The following NRF1 variants were observed in gnomAD, a reference collection of about 807,000 sequenced individuals.
NRF1 encodes the protein alpha palindromic-binding protein.
NRF1 carries 5 observed loss-of-function variants against 58.5 expected under a neutral mutation model. That is an observed-to-expected ratio of 0.09 (90% CI 0.04 to 0.18). The LOEUF is 0.18. Ranked by LOEUF, NRF1 falls within the 10% of genes least tolerant of loss-of-function variation. The pLI, the probability that NRF1 is intolerant of heterozygous loss-of-function variation, is 1.00. For synonymous variants in NRF1, 224 were observed against 246.7 expected (o/e 0.91, Z 0.86); for missense variants, 288 against 657.7 (o/e 0.44, Z 6.15).
chr7:129,614,442 T>TG (rs1297699559), intron 1 of NRF1, among the ~76,000 whole-genome samples: 24 of 84,074 alleles, frequency 2.9e-4, no homozygotes, highest in South Asian at 4.9e-4. Flanking sequence ...AAAATATGTA[T>TG]TTGTGTGTGT....
intron 4 of NRF1, among the ~76,000 whole-genome samples, chr7:129,680,256 A>T (rs1448012090): frequency 6.6e-6 from 1 of 152,180 alleles, no homozygotes; most frequent in Non-Finnish European, 1.5e-5. Flanking sequence ...ATTAATAATC[A>T]TAGTCATTAG....
intron 1 of NRF1, among the ~76,000 whole-genome samples, chr7:129,656,199 T>G (rs1801650596): frequency 6.6e-6 from 1 of 152,198 alleles, no homozygotes; most frequent in African/African-American, 2.4e-5. Context: ...TAGTTTATAA[T>G]AGCAAAAACT....
intron 5 of NRF1, among the ~76,000 whole-genome samples, chr7:129,704,589 A>G (rs1802907704): frequency 6.6e-6 from 1 of 152,174 alleles, no homozygotes; most frequent in Middle Eastern, 3.2e-3. Flanking sequence ...GTTGGATTTC[A>G]TATATTTTTG....
intron 4 of NRF1, among the ~76,000 whole-genome samples, chr7:129,678,910 T>C (rs977076366): frequency 6.6e-6 from 1 of 152,134 alleles, no homozygotes; most frequent in East Asian, 1.9e-4. Flanking sequence ...CAAGAAGATA[T>C]AGACTCTGTT....
chr7:129,703,251 C>CCT (rs770082514), intron 5 of NRF1, among the ~76,000 whole-genome samples: 3 of 152,086 alleles, frequency 2.0e-5, no homozygotes, highest in Non-Finnish European at 4.4e-5. Flanking sequence ...CACCTAGAGC[C>CCT]CTAAATCAGA....
rs1562954847 is a variant in NRF1, at chr7:129,634,036, A to AT, written c.-7+22212_-7+22213insT. Among the ~76,000 whole-genome samples the AT allele has an allele frequency of 2.3e-3, 170 of 73,088 alleles. 1 individual carries two copies. Among genetic ancestry groups the AT allele is most frequent in the African/African-American group, 0.013 (164 of 12,770 alleles). The allele number at this position is 73,088 out of a possible 152,430, so 47.9% of individuals were successfully genotyped here. A position where few individuals can be genotyped will look rare whatever the true frequency, so the allele number is the denominator to read the frequency against. On this transcript the variant is annotated intron_variant, in intron 1 of 10. Transcript: ENST00000393232. Reference sequence around the variant, plus strand: ...TTTTTTTACATCTGTATTTAAAAAAAAAAAAAGATATATATATATATATAT... The same window carrying AT: ...TTTTTTTACATCTGTATTTAAAAAAATAAAAAAGATATATATATATATATAT...
intron 10 of NRF1, among the ~76,000 whole-genome samples, chr7:129,737,107 CAT>C (rs1376546608): frequency 6.6e-6 from 1 of 152,218 alleles, no homozygotes; most frequent in African/African-American, 2.4e-5. Flanking sequence ...TCATTCCTCA[CAT>C]ATGTTGGAGT....
intron 2 of NRF1, among the ~76,000 whole-genome samples, chr7:129,669,932 A>C (rs1230934900): frequency 6.6e-6 from 1 of 152,246 alleles, no homozygotes; most frequent in Non-Finnish European, 1.5e-5. Flanking sequence ...CAAGATGTGA[A>C]AATAGCCTAA....
At chr7:129,616,578 G>A (rs1195650224) in intron 1 of NRF1, among the ~76,000 whole-genome samples, 2 of 152,152 alleles carry the variant, frequency 1.3e-5, no homozygotes, top group African/African-American at 2.4e-5. Context: ...CTGCCTGGGC[G>A]ACAGTGCGAC....
intron 5 of NRF1, among the ~76,000 whole-genome samples, chr7:129,694,768 A>T (rs1451721154): frequency 6.6e-6 from 1 of 152,174 alleles, no homozygotes; most frequent in African/African-American, 2.4e-5. Context: ...AGGGTATGGG[A>T]CTGCAAGCAG....
At chr7:129,696,354 T>C (rs1013289471) in intron 5 of NRF1, among the ~76,000 whole-genome samples, 7 of 152,316 alleles carry the variant, frequency 4.6e-5, no homozygotes, top group African/African-American at 1.4e-4. Context: ...ACTCTCTTTT[T>C]CCCCCCTTAT....
At chr7:129,646,986 A>G (rs910419770) in intron 1 of NRF1, among the ~76,000 whole-genome samples, 2 of 152,224 alleles carry the variant, frequency 1.3e-5, no homozygotes, top group African/African-American at 4.8e-5. Context: ...AGATCTATTC[A>G]TAGAGACTTT....
chr7:129,629,371 C>G (rs903086499), intron 1 of NRF1, among the ~76,000 whole-genome samples: 2 of 151,828 alleles, frequency 1.3e-5, no homozygotes, highest in African/African-American at 4.8e-5. Context: ...CTCCGCCTCC[C>G]GGGTTCAAGC....
chr7:129,658,596 G>GAA (rs35139001), intron 2 of NRF1, among the ~76,000 whole-genome samples: 3 of 112,368 alleles, frequency 2.7e-5, no homozygotes, highest in South Asian at 2.9e-4. Flanking sequence ...GTGTCCAGTT[G>GAA]AAAAAAAAAA....
chr7:129,729,621 A>G (rs1344207144), intron 10 of NRF1, among the ~76,000 whole-genome samples: 1 of 152,268 alleles, frequency 6.6e-6, no homozygotes, highest in Non-Finnish European at 1.5e-5. Flanking sequence ...GGGAATCCAA[A>G]GAATGAATCT....
chr7:129,682,359 T>C (rs1044533396), intron 4 of NRF1, among the ~76,000 whole-genome samples: 2 of 151,092 alleles, frequency 1.3e-5, no homozygotes, highest in African/African-American at 4.9e-5. Context: ...CTTGGGAGGC[T>C]GAGATGTGAA....
At position 129,749,491 on chromosome 7, in the gene NRF1, T is replaced by C. The variant is rs1400642742; in HGVS notation, c.1349-5527T>C. Among the ~76,000 whole-genome samples the C allele has an allele frequency of 2.6e-5, 4 of 151,918 alleles. 1 individual carries two copies. The highest frequency in any genetic ancestry group is 5.9e-5 in the Non-Finnish European group (4 of 67,986). On this transcript the variant is annotated intron_variant, in intron 10 of 10. Transcript: ENST00000393232. ...CATTGTCCTTGACAGGGAAACATGG[T>C]CCTGCAGCCAGTTCTTCCAGAGATT...
chr7:129,745,515 C>CG (rs1267736655), intron 10 of NRF1, among the ~76,000 whole-genome samples: 1 of 149,590 alleles, frequency 6.7e-6, no homozygotes, highest in Non-Finnish European at 1.5e-5. Context: ...AACCCCCCCC[C>CG]CATCCATGGA....
At chr7:129,629,181 A>G (rs1019715235) in intron 1 of NRF1, among the ~76,000 whole-genome samples, 9 of 152,204 alleles carry the variant, frequency 5.9e-5, no homozygotes, top group African/African-American at 2.2e-4. Context: ...GAAGAACAAT[A>G]TAGTTTGTCT....
Sources: gnomAD v4.1 joint callset for allele counts (sites outside exome capture counted in the v4.1 genomes callset) on GRCh38, gnomAD v4.1.1 for gene constraint, MANE v1.5 for transcripts, NCBI Gene and HGNC (gene_info 2026-07-23, HGNC 2026-07-21) for gene names.